The following PRSS55 variants were observed in gnomAD, a reference collection of about 807,000 sequenced individuals.
PRSS55 encodes the protein serine protease 55, also known as probable serine protease UNQ9391/PRO34284.
A neutral mutation model predicts 23.6 loss-of-function variants in PRSS55; 41 were observed. The ratio of observed to expected loss-of-function variants is 1.74; its 90% CI spans 1.35 to 2.26. The LOEUF is 2.26. Ranked by LOEUF, PRSS55 falls within the 30% of genes most tolerant of loss-of-function variation. PRSS55 has a pLI of 0.00. For synonymous variants in PRSS55, 262 were observed against 175.5 expected (o/e 1.49, Z -3.90); for missense variants, 669 against 439.1 (o/e 1.52, Z -4.68).
chr8:10,534,157 TGA>T (rs1812373727), intron 4 of PRSS55, among the ~76,000 whole-genome samples: 1 of 152,142 alleles, frequency 6.6e-6, no homozygotes, highest in African/African-American at 2.4e-5. Flanking sequence ...CACACAGAAT[TGA>T]GACTTCTGGT....
At chr8:10,535,459 C>A (rs987273614) in intron 4 of PRSS55, among the ~76,000 whole-genome samples, 1 of 152,196 alleles carries the variant, frequency 6.6e-6, no homozygotes, top group African/African-American at 2.4e-5. Flanking sequence ...CAATAACAAG[C>A]AATGGGGAAA....
At chr8:10,545,224 G>A (rs1812786643) in intron 4 of PRSS55, 1 of 147,748 alleles carries the variant, frequency 6.8e-6, no homozygotes. Flanking sequence ...TTCCGAGAGT[G>A]TCTCACTCTA....
rs576102630 is a variant in PRSS55, at chr8:10,551,326, A to G, written c.742-2617A>G. Among the ~76,000 whole-genome samples, 3 of 152,234 alleles carry G rather than the reference A, an allele frequency of 2.0e-5. No individual in the cohort carries two copies. The South Asian group carries it at 6.2e-4, about 32-fold the overall frequency. ...GGCTTTAAAATGCCCTCACTCACTC[A>G]TTCATTCATTCACTTATTCTTCCTG... On this transcript the variant is annotated intron_variant, in intron 4 of 4. Transcript: ENST00000522210.
chr8:10,531,572 G>A, intron 3 of PRSS55, 27 bp downstream of exon 3: 1 of 1,609,606 alleles, frequency 6.2e-7, no homozygotes. Flanking sequence ...CTTCCCCTGG[G>A]GAAAAAGCCA....
intron 4 of PRSS55, 133 bp downstream of exon 4, chr8:10,533,181 C>A: frequency 2.1e-6 from 2 of 953,960 alleles, no homozygotes; most frequent in Non-Finnish European, 3.1e-6. Flanking sequence ...GGCCTGCAGC[C>A]ATGAGAATGA....
chr8:10,553,244 C>G (rs746259557), intron 4 of PRSS55, among the ~76,000 whole-genome samples: 9 of 152,222 alleles, frequency 5.9e-5, no homozygotes, highest in African/African-American at 2.2e-4. Context: ...TTGCTTCACT[C>G]TCATCTTCTG....
intron 4 of PRSS55, chr8:10,553,917 T>C (rs1200350198): frequency 6.9e-7 from 1 of 1,450,588 alleles, no homozygotes; most frequent in East Asian, 2.5e-5. Context: ...TTTTTTTAAT[T>C]TGTCAATTTA....
At chr8:10,540,982 A>C (rs945457979), downstream of PRSS55, 4 of 152,446 alleles carry the variant, frequency 2.6e-5, no homozygotes, top group African/African-American at 9.7e-5. Context: ...TCCAATTTGC[A>C]TAGTTCTGGA....
chr8:10,547,917 G>T (rs1223081539), intron 4 of PRSS55, among the ~76,000 whole-genome samples: 1 of 152,024 alleles, frequency 6.6e-6, no homozygotes, highest in African/African-American at 2.4e-5. Flanking sequence ...TAAACACACA[G>T]CTTTACTGAA....
chr8:10,542,873 CAAAAAAAAAAA>C (rs57410579), downstream of PRSS55, among the ~76,000 whole-genome samples: 1 of 81,026 alleles, frequency 1.2e-5, no homozygotes, highest in Non-Finnish European at 2.4e-5. Context: ...AACTTTGTCT[CAAAAAAAAAAA>C]AAAAAAAAAA....
At chr8:10,543,481 T>TTTTCTTTTCTTTCTTTC (rs1563547453), downstream of PRSS55, among the ~76,000 whole-genome samples, 1 of 19,768 alleles carries the variant, frequency 5.1e-5, no homozygotes, top group African/African-American at 9.5e-5. Context: ...TCTTTCTCTC[T>TTTTCTTTTCTTTCTTTC]TTTTTTTTTT....
At chr8:10,548,881 C>CAAGGAA in intron 4 of PRSS55, among the ~76,000 whole-genome samples, 1 of 152,132 alleles carries the variant, frequency 6.6e-6, no homozygotes, top group African/African-American at 2.4e-5. Context: ...GGGAGACAGA[C>CAAGGAA]TAGGAATGGC....
At chr8:10,542,673 G>C (rs1476395605), downstream of PRSS55, among the ~76,000 whole-genome samples, 1 of 151,650 alleles carries the variant, frequency 6.6e-6, no homozygotes, top group Non-Finnish European at 1.5e-5. Context: ...TTCAAGACCA[G>C]CCTGGCCAAG....
At chr8:10,539,669 T>C (rs1276772870), downstream of PRSS55, among the ~76,000 whole-genome samples, 1 of 152,226 alleles carries the variant, frequency 6.6e-6, no homozygotes, top group Non-Finnish European at 1.5e-5. Flanking sequence ...CGAGATCTGA[T>C]GGTTTTATAA....
chr8:10,538,707 T>G lies in PRSS55; in HGVS notation c.973T>G (p.Ser325Ala). 6.2e-7 allele frequency: 1 copy of G among 1,613,998 alleles called. No homozygotes were observed. The highest frequency in any genetic ancestry group is 8.5e-7 in the Non-Finnish European group (1 of 1,179,970). The part of the protein sequence containing the change: ...VKQKPMGSPV[S>A]GVPEPGSPRS... ...ACAGAAACCTATGGGCTCCCCAGTC[T>G]CGGGAGTCCCAGAGCCAGGCAGCCC... The change falls in exon 5 of 5, where the codon TCG becomes GCG. Residue 325 changes from serine to alanine, a missense_variant. Physicochemically the swap from Ser to Ala is moderately conservative, Grantham distance 99. Coordinates refer to ENST00000328655, the MANE Select transcript of PRSS55 (RefSeq NM_198464.4).
At chr8:10,549,356 C>T (rs140451893) in intron 4 of PRSS55, among the ~76,000 whole-genome samples, 7 of 152,266 alleles carry the variant, frequency 4.6e-5, no homozygotes, top group African/African-American at 1.7e-4. Flanking sequence ...AGAGCCAGTG[C>T]CCCGGTGGGA....
Position 10,529,377 on chromosome 8 carries a change from G to A in PRSS55, c.155-130G>A, listed in dbSNP as rs555454196. On this transcript the variant is annotated intron_variant, in intron 1 of 4. Transcript: ENST00000328655. ...GGCTGCCCCGCTCGGCAGCCTCAGTGAGCTCCTCTCTAGAATGGGGATGAG... is the reference window on the plus strand; with the variant it reads ...GGCTGCCCCGCTCGGCAGCCTCAGTAAGCTCCTCTCTAGAATGGGGATGAG... The A allele has an allele frequency of 5.0e-5, 46 of 929,206 alleles. No individual in the cohort carries two copies. In the African/African-American group the frequency reaches 6.5e-4, roughly 13 times the overall value. 57.6% of individuals were successfully genotyped at this position (929,206 alleles called of 1,614,324 possible). A position where few individuals can be genotyped will look rare whatever the true frequency, so the allele number is the denominator to read the frequency against.
chr8:10,553,927 AAT>A (rs1491397075), intron 4 of PRSS55: 10 of 1,471,142 alleles, frequency 6.8e-6, no homozygotes, highest in Non-Finnish European at 9.0e-6. Flanking sequence ...TTGTCAATTT[AAT>A]TTTTTTTTTA....
intron 4 of PRSS55, among the ~76,000 whole-genome samples, chr8:10,536,936 G>A (rs763899243): frequency 1.3e-5 from 2 of 152,102 alleles, no homozygotes; most frequent in Non-Finnish European, 2.9e-5. Flanking sequence ...TTACTACCTG[G>A]GTGATTAAAT....
Sources: gnomAD v4.1 joint callset for allele counts (sites outside exome capture counted in the v4.1 genomes callset) on GRCh38, gnomAD v4.1.1 for gene constraint, MANE v1.5 for transcripts, NCBI Gene and HGNC (gene_info 2026-07-23, HGNC 2026-07-21) for gene names.